USH2A: variants seen among roughly 807,000 people sequenced by gnomAD.
USH2A encodes Usher syndrome 2A (autosomal recessive, mild).
In USH2A, 443 loss-of-function variants were observed where a neutral mutation model predicts 538.9. That is an observed-to-expected ratio of 0.82 (90% confidence interval 0.76 to 0.89). The LOEUF (loss-of-function observed/expected upper bound fraction) is 0.89, where lower values mean the gene tolerates loss of function less well. Ranked by LOEUF, USH2A falls within the 40% of genes least tolerant of loss-of-function variation. USH2A has a pLI of 0.00. For missense variants in USH2A, 6,633 were observed against 6,324.8 expected, an observed-to-expected ratio of 1.05 and a Z score of -1.65; for synonymous variants, 2,413 against 2,273.5, an observed-to-expected ratio of 1.06 and a Z score of -1.75.
At chr1:216,208,377 C>G (rs1244343004) in intron 15 of USH2A, among the ~76,000 whole-genome samples, 1 of 152,060 alleles carries the variant, frequency 6.6e-6, no homozygotes, top group East Asian at 1.9e-4. Context: ...TGTTACCTTA[C>G]TTTTAAACCA....
At chr1:216,349,428 G>A (rs1284072656) in intron 4 of USH2A, among the ~76,000 whole-genome samples, 1 of 152,098 alleles carries the variant, frequency 6.6e-6, no homozygotes, top group Non-Finnish European at 1.5e-5. Flanking sequence ...TCTCAAGAGG[G>A]TAAGTCATCC....
chr1:215,628,667 C>T lies in USH2A; in HGVS notation c.15519+147G>A, dbSNP rs181415273. The T allele has an allele frequency of 3.7e-6, 3 of 809,634 alleles. No homozygotes were observed. The East Asian group carries it at 7.5e-5, about 20-fold the overall frequency. 50.2% of individuals were successfully genotyped at this position (809,634 alleles called of 1,614,324 possible). On this transcript the variant is annotated intron_variant, in intron 71 of 71. Coordinates refer to ENST00000307340, the MANE Select transcript of USH2A (RefSeq NM_206933.4). ...CCTGCTTATCAAACAACTGAAGTAACATTAGTAAACCGGTTGTTACTACCT... is the reference window on the plus strand; with the variant it reads ...CCTGCTTATCAAACAACTGAAGTAATATTAGTAAACCGGTTGTTACTACCT...
chr1:215,781,925 A>C, intron 54 of USH2A, 117 bp downstream of exon 54: 1 of 1,404,910 alleles, frequency 7.1e-7, no homozygotes, highest in South Asian at 1.2e-5. Flanking sequence ...ACGCTACTTA[A>C]CACCACTTTG....
At chr1:216,277,171 A>G (rs1269725207) in intron 11 of USH2A, among the ~76,000 whole-genome samples, 1 of 152,150 alleles carries the variant, frequency 6.6e-6, no homozygotes, top group Non-Finnish European at 1.5e-5. Flanking sequence ...TTTCAAATCT[A>G]TGATCCCTCA....
At chr1:216,226,300 C>G (rs978222378) in intron 14 of USH2A, among the ~76,000 whole-genome samples, 5 of 152,178 alleles carry the variant, frequency 3.3e-5, no homozygotes, top group Non-Finnish European at 5.9e-5. Flanking sequence ...AGTTACTTTA[C>G]ATTGCAAAAT....
At chr1:216,284,741 A>T (rs1416846067) in intron 11 of USH2A, among the ~76,000 whole-genome samples, 1 of 152,196 alleles carries the variant, frequency 6.6e-6, no homozygotes, top group African/African-American at 2.4e-5. Context: ...AGACAGAAAG[A>T]TGTGGGAAAG....
intron 11 of USH2A, among the ~76,000 whole-genome samples, chr1:216,280,489 A>C (rs1208457263): frequency 1.3e-5 from 2 of 152,154 alleles, no homozygotes; most frequent in Non-Finnish European, 2.9e-5. Context: ...CATAAAATAT[A>C]CACTCATATA....
At position 216,138,362 on chromosome 1, in the gene USH2A, A is replaced by G. The variant is rs74141504; in HGVS notation, c.4627+36890T>C. Among the ~76,000 whole-genome samples, 887 of 152,334 alleles carry G rather than the reference A, an allele frequency of 5.8e-3. 8 individuals are homozygous for G. Among genetic ancestry groups the G allele is most frequent in the African/African-American group, 0.02 (842 of 41,586 alleles). On this transcript the variant is annotated intron_variant, in intron 21 of 71. Coordinates refer to ENST00000307340, the MANE Select transcript of USH2A (RefSeq NM_206933.4). ...CTCAGTATATTAAAAAAGCTTGCAAAAGTAAAACAAAAATCTGTTATCTTT... is the reference window on the plus strand; with the variant it reads ...CTCAGTATATTAAAAAAGCTTGCAAGAGTAAAACAAAAATCTGTTATCTTT...
At chr1:215,703,051 C>G (rs1463632754) in intron 61 of USH2A, among the ~76,000 whole-genome samples, 1 of 152,036 alleles carries the variant, frequency 6.6e-6, no homozygotes, top group Non-Finnish European at 1.5e-5. Flanking sequence ...GTTAGTTTTC[C>G]TTTTAACAGT....
intron 32 of USH2A, among the ~76,000 whole-genome samples, chr1:216,002,310 A>G (rs551229364): frequency 6.6e-6 from 1 of 152,288 alleles, no homozygotes; most frequent in East Asian, 1.9e-4. Flanking sequence ...AACATATTGT[A>G]TCTGCCATTC....
rs1365828955 is a variant in USH2A at position 215,993,098 on chromosome 1, C to G, written c.6727G>C (p.Gly2243Arg). 1 of 1,614,002 alleles carries G rather than the reference C, an allele frequency of 6.2e-7. No homozygotes were observed. The highest frequency in any genetic ancestry group is 8.5e-7 in the Non-Finnish European group (1 of 1,179,968). Residue 2243 changes from glycine to arginine, a missense_variant, in exon 35 of 72, where the codon GGC becomes CGC. By Grantham distance (125) the Gly-to-Arg change is moderately radical (BLOSUM62 -2). Transcript: ENST00000307340. ...GAGTGGGCTTTGGGGGCTGGCACGC[C>G]TTCGGGTATGTCCTCGTCAGTTAGG... The part of the protein sequence containing the change: ...EALTDEDIPE[G>R]VPAPKAHSYS...
At chr1:216,187,907 C>T (rs1039686967) in intron 20 of USH2A, among the ~76,000 whole-genome samples, 8 of 151,920 alleles carry the variant, frequency 5.3e-5, no homozygotes, top group Admixed American at 2.0e-4. Context: ...TGGCAGAGCC[C>T]GGATTGAAAC....
chr1:215,705,546 G>A (rs1030999064), intron 61 of USH2A, among the ~76,000 whole-genome samples: 5 of 152,198 alleles, frequency 3.3e-5, no homozygotes, highest in African/African-American at 1.2e-4. Context: ...GAAAAAATGT[G>A]CATTGTAAAA....
chr1:216,267,484 A>G (rs1297935876), intron 11 of USH2A, among the ~76,000 whole-genome samples: 2 of 152,094 alleles, frequency 1.3e-5, no homozygotes, highest in Non-Finnish European at 2.9e-5. Flanking sequence ...AGAGTTTTTA[A>G]ATGGAAACAA....
intron 32 of USH2A, among the ~76,000 whole-genome samples, chr1:216,044,460 T>A (rs1487546296): frequency 1.3e-5 from 2 of 152,180 alleles, no homozygotes; most frequent in Non-Finnish European, 2.9e-5. Flanking sequence ...TTTTCTGAAA[T>A]AACTTCTGTG....
At chr1:216,347,401 A>G (rs2038199081) in intron 4 of USH2A, among the ~76,000 whole-genome samples, 1 of 152,058 alleles carries the variant, frequency 6.6e-6, no homozygotes, top group South Asian at 2.1e-4. Flanking sequence ...AGTGTTTTAA[A>G]CCTTTAATAT....
At chr1:216,155,231 G>A (rs944958012) in intron 21 of USH2A, among the ~76,000 whole-genome samples, 1 of 151,976 alleles carries the variant, frequency 6.6e-6, no homozygotes, top group African/African-American at 2.4e-5. Context: ...CCTTCTCAGA[G>A]ACTAAAAACC....
At chr1:215,864,360 CA>C (rs1664415928) in intron 44 of USH2A, among the ~76,000 whole-genome samples, 1 of 152,046 alleles carries the variant, frequency 6.6e-6, no homozygotes, top group African/African-American at 2.4e-5. Flanking sequence ...TTTTCAAATA[CA>C]AAAACTGTGA....
In USH2A at chr1:215,845,907, G is replaced by A. The variant is rs1663830201; in HGVS notation, c.8972C>T (p.Thr2991Ile). 6.2e-7 allele frequency: 1 copy of A among 1,613,826 alleles called. No individual in the cohort carries two copies. Among genetic ancestry groups the A allele is most frequent in the Non-Finnish European group, 8.5e-7 (1 of 1,179,962 alleles). ...SHVIGHLKPN[T>I]EYWIFISVFN... ...GACAGAGATAAAGATCCAATACTCT[G>A]TGTTTGGCTTTAGGTGGCCAATGAC... The change falls in exon 45 of 72, where the codon ACA (threonine) becomes ATA (isoleucine). Residue 2991 changes from threonine (T) to isoleucine (I), a missense_variant. Transcript: ENST00000307340.
Sources: allele counts gnomAD v4.1 joint callset (sites outside exome capture counted in the v4.1 genomes callset), GRCh38; gene constraint gnomAD v4.1.1; transcripts MANE v1.5; gene names NCBI Gene and HGNC (gene_info 2026-07-23, HGNC 2026-07-21).